Variants in RIPOR2 observed in about 807,000 individuals in gnomAD.
RIPOR2 encodes the protein rho family-interacting cell polarization regulator 2.
Under a neutral mutation model 114.5 loss-of-function variants are expected in RIPOR2, and 39 were observed. The observed-to-expected ratio is 0.34, with a 90% confidence interval of 0.26 to 0.44. The LOEUF (loss-of-function observed/expected upper bound fraction) is 0.44, where lower values mean the gene tolerates loss of function less well. Ranked by LOEUF, RIPOR2 falls within the 20% of genes least tolerant of loss-of-function variation. The pLI, the probability that RIPOR2 is intolerant of heterozygous loss-of-function variation, is 1.00. For synonymous variants in RIPOR2, 445 were observed against 484.4 expected, an observed-to-expected ratio of 0.92 and a Z score of 1.07; for missense variants, 1,007 against 1,255.1, an observed-to-expected ratio of 0.80 and a Z score of 2.99.
intron 15 of RIPOR2, 34 bp downstream of exon 15, chr6:24,835,668 TG>T: frequency 6.5e-7 from 1 of 1,542,858 alleles, no homozygotes; most frequent in Non-Finnish European, 8.8e-7. Context: ...GTAAATCACC[TG>T]GCATCTCAAA....
intron 1 of RIPOR2, among the ~76,000 whole-genome samples, chr6:24,897,051 G>A (rs148131083): frequency 4.0e-4 from 61 of 152,246 alleles, no homozygotes; most frequent in African/African-American, 1.4e-3. Context: ...ACAATCAGCC[G>A]CTCTGAACAT....
chr6:24,868,034 T>C (rs577342218), intron 6 of RIPOR2, among the ~76,000 whole-genome samples: 1 of 152,332 alleles, frequency 6.6e-6, no homozygotes, highest in South Asian at 2.1e-4. Flanking sequence ...GCCTGCCACA[T>C]AAATACCTTC....
At chr6:25,035,754 G>A (rs1194041557) in intron 1 of RIPOR2, among the ~76,000 whole-genome samples, 1 of 152,192 alleles carries the variant, frequency 6.6e-6, no homozygotes, top group Non-Finnish European at 1.5e-5. Flanking sequence ...GGATCTCTCT[G>A]CAAGCAGGGG....
chr6:25,015,888 GTTT>G (rs1258122631), intron 1 of RIPOR2: 1 of 74,046 alleles, frequency 1.4e-5, no homozygotes, highest in Non-Finnish European at 2.7e-5. Flanking sequence ...AAAAACGCAG[GTTT>G]TTTGGTTTTT....
At chr6:24,825,947 C>G (rs1277640820) in intron 18 of RIPOR2, among the ~76,000 whole-genome samples, 58 of 100,370 alleles carry the variant, frequency 5.8e-4, no homozygotes, top group Admixed American at 1.9e-3. Flanking sequence ...TTTTTTGAGA[C>G]AGAGTCTCTT....
intron 1 of RIPOR2, among the ~76,000 whole-genome samples, chr6:24,984,882 A>T (rs1306804832): frequency 6.6e-6 from 1 of 152,162 alleles, no homozygotes; most frequent in Admixed American, 6.5e-5. Flanking sequence ...GAACCCAACA[A>T]GGCAGCCTGG....
chr6:24,852,661 C>G, intron 8 of RIPOR2, 43 bp from the exon 9 acceptor site: 1 of 1,501,622 alleles, frequency 6.7e-7, no homozygotes, highest in Non-Finnish European at 9.1e-7. Flanking sequence ...AACATATTTC[C>G]CCTCTCTATA....
At chr6:24,953,202 G>A (rs551020732) in intron 1 of RIPOR2, among the ~76,000 whole-genome samples, 5 of 152,154 alleles carry the variant, frequency 3.3e-5, no homozygotes, top group South Asian at 2.1e-4. Context: ...GCATGGTGGT[G>A]CATGCCTGTA....
rs909794592 is a variant in RIPOR2 at position 24,976,497 on chromosome 6, C to T, written c.76+65354G>A. 5.1e-6 allele frequency: 8 copies of T among 1,577,500 alleles called. No individual in the cohort carries two copies. In the African/African-American group the frequency reaches 8.1e-5, roughly 16 times the overall value. Reference sequence around the variant, plus strand: ...CCGCATCTCCTTTGAGGTAAGGGGCCTGGAAACCAAGAAGTGACTGCTCAT... The same window carrying T: ...CCGCATCTCCTTTGAGGTAAGGGGCTTGGAAACCAAGAAGTGACTGCTCAT... On this transcript the variant is annotated intron_variant, in intron 1 of 13. Transcript: ENST00000510784.
chr6:24,872,718 A>G (rs571196568), intron 4 of RIPOR2, among the ~76,000 whole-genome samples, 163 bp downstream of exon 4: 149 of 152,316 alleles, frequency 9.8e-4, no homozygotes, highest in African/African-American at 3.4e-3. Context: ...TAAGAAGAAA[A>G]CATACCCTTC....
chr6:24,903,335 C>G (rs567022033), intron 1 of RIPOR2, among the ~76,000 whole-genome samples: 35 of 152,232 alleles, frequency 2.3e-4, no homozygotes, highest in Non-Finnish European at 3.4e-4. Flanking sequence ...GAGAAAGCCA[C>G]AGTTTTGAGG....
In RIPOR2 at chr6:24,806,422, C is replaced by A; in HGVS notation, c.3095G>T (p.Cys1032Phe). 9.0e-6 allele frequency: 14 copies of A among 1,551,832 alleles called. No homozygotes were observed. The highest frequency in any genetic ancestry group is 1.2e-5 in the Non-Finnish European group (14 of 1,147,002). ...YEQLDKFPRDCVKVGGRHGTE... is the reference protein window; with the variant it reads ...YEQLDKFPRDFVKVGGRHGTE... Reference sequence around the variant, plus strand: ...TCCATGACGACCTCCGACTTTAACACAGTCTCGAGGAAATTTGTCCAATTG... The same window carrying A: ...TCCATGACGACCTCCGACTTTAACAAAGTCTCGAGGAAATTTGTCCAATTG... The change falls in exon 22 of 22, where the codon TGT becomes TTT. Residue 1032 changes from cysteine (C) to phenylalanine (F), a missense_variant. Transcript: ENST00000643898.
chr6:25,003,123 T>C (rs1775391422), intron 1 of RIPOR2, among the ~76,000 whole-genome samples: 1 of 152,194 alleles, frequency 6.6e-6, no homozygotes, highest in Admixed American at 6.5e-5. Context: ...GATTAGATTG[T>C]AGAGAGAAAA....
At chr6:24,877,926 A>G (rs1484351405) in intron 1 of RIPOR2, among the ~76,000 whole-genome samples, 2 of 152,186 alleles carry the variant, frequency 1.3e-5, no homozygotes, top group East Asian at 1.9e-4. Context: ...GGTTAGGAAC[A>G]GGTAACTAAA....
intron 1 of RIPOR2, among the ~76,000 whole-genome samples, chr6:24,917,370 A>T (rs1770158710): frequency 6.6e-6 from 1 of 152,242 alleles, no homozygotes; most frequent in Non-Finnish European, 1.5e-5. Context: ...TAAACGCCAT[A>T]GGCTGAAAGT....
At chr6:24,908,890 G>A (rs111391270) in intron 1 of RIPOR2, among the ~76,000 whole-genome samples, 4,248 of 152,202 alleles carry the variant, frequency 0.028, 103 homozygotes, top group Middle Eastern at 0.054. Flanking sequence ...ACTCCCTAGC[G>A]CATGCTTTCG....
chr6:24,843,192 G>A lies in RIPOR2; in HGVS notation c.1527C>T (p.His509=). The A allele has an allele frequency of 6.2e-7, 1 of 1,614,006 alleles. No homozygotes were observed. The highest frequency in any genetic ancestry group is 8.5e-7 in the Non-Finnish European group (1 of 1,179,882). The change falls in exon 13 of 22, where the codon CAC becomes CAT. Residue 509 remains histidine, a synonymous_variant. Coordinates refer to ENST00000643898, the MANE Select transcript of RIPOR2 (RefSeq NM_001286445.3). The part of the protein sequence containing the change: ...RRQSSGAGAE[H]LFLENDVAEA... ...CTGCAACATCATTCTCAAGGAACAGGTGCTCAGCCCCAGCACCTGAGGACT... is the reference window on the plus strand; with the variant it reads ...CTGCAACATCATTCTCAAGGAACAGATGCTCAGCCCCAGCACCTGAGGACT...
chr6:24,916,261 AACATT>A (rs145773758), intron 1 of RIPOR2, among the ~76,000 whole-genome samples: 12 of 152,274 alleles, frequency 7.9e-5, no homozygotes, highest in African/African-American at 2.6e-4. Context: ...GCCCTGTTCA[AACATT>A]ACCTCCTTCA....
At chr6:24,997,195 T>C (rs1775085558) in intron 1 of RIPOR2, among the ~76,000 whole-genome samples, 1 of 152,196 alleles carries the variant, frequency 6.6e-6, no homozygotes. Context: ...ATGCAGGCAT[T>C]TGTGTTTTAA....
Sources: gnomAD v4.1 joint callset for allele counts (sites outside exome capture counted in the v4.1 genomes callset) on GRCh38, gnomAD v4.1.1 for gene constraint, MANE v1.5 for transcripts, NCBI Gene and HGNC (gene_info 2026-07-23, HGNC 2026-07-21) for gene names.